Variants in ITGAV observed in about 807,000 individuals in gnomAD.
ITGAV encodes the protein integrin alpha-V.
In ITGAV, 76 loss-of-function variants were observed where a neutral mutation model predicts 143.8. That is an observed-to-expected ratio of 0.53 (90% confidence interval 0.44 to 0.64). The LOEUF is 0.64. Ranked by LOEUF, ITGAV falls within the 30% of genes least tolerant of loss-of-function variation. The pLI is 0.00. For missense variants in ITGAV, 1,193 were observed against 1,274.7 expected (o/e 0.94, Z 0.98); for synonymous variants, 453 against 446.7 (o/e 1.01, Z -0.18).
At chr2:186,666,414 C>A (rs923887891) in intron 21 of ITGAV, among the ~76,000 whole-genome samples, 3 of 152,184 alleles carry the variant, frequency 2.0e-5, no homozygotes, top group African/African-American at 7.2e-5. Context: ...GCTAGACTTT[C>A]ACTGGATCAA....
At chr2:186,629,786 A>G (rs770507164) in intron 4 of ITGAV, among the ~76,000 whole-genome samples, 1 of 152,090 alleles carries the variant, frequency 6.6e-6, no homozygotes, top group Non-Finnish European at 1.5e-5. Context: ...AACATTGGCC[A>G]CAGTGAGTCT....
Position 186,625,582 on chromosome 2 carries a change from G to A in ITGAV, c.518G>A (p.Arg173Lys), listed in dbSNP as rs370978233. ...AAGACTGTTGAGTATGCTCCATGTA[G>A]ATCACGTATGTATAGGATATTGTAC... Reference protein sequence around the residue: ...GTKTVEYAPCRSQDIDADGQG... With the variant: ...GTKTVEYAPCKSQDIDADGQG... The change falls in exon 4 of 30, where the codon AGA becomes AAA. Residue 173 changes from arginine (R) to lysine (K), a missense_variant. Coordinates refer to ENST00000261023, the MANE Select transcript of ITGAV (RefSeq NM_002210.5). 1.9e-6 allele frequency: 3 copies of A among 1,605,940 alleles called. No individual in the cohort carries two copies. Among genetic ancestry groups the A allele is most frequent in the Non-Finnish European group, 1.7e-6 (2 of 1,173,342 alleles).
chr2:186,647,322 A>T (rs1313687046), intron 13 of ITGAV, among the ~76,000 whole-genome samples: 2 of 149,834 alleles, frequency 1.3e-5, no homozygotes, highest in Non-Finnish European at 3.0e-5. Flanking sequence ...TGCAGCCTCC[A>T]CCTCCTGGGC....
intron 2 of ITGAV, among the ~76,000 whole-genome samples, chr2:186,605,168 T>C (rs1314786082): frequency 1.3e-5 from 2 of 152,096 alleles, no homozygotes; most frequent in African/African-American, 2.4e-5. Flanking sequence ...GAATACTAGG[T>C]GTAGAGAGCC....
At chr2:186,596,544 G>T (rs917906664) in intron 1 of ITGAV, among the ~76,000 whole-genome samples, 1 of 151,606 alleles carries the variant, frequency 6.6e-6, no homozygotes. Context: ...TCGCCTCCTG[G>T]ATTCAAGCAA....
At position 186,627,199 on chromosome 2, in the gene ITGAV, C is replaced by T. The variant is rs3754586; in HGVS notation, c.523+1612C>T. Among the ~76,000 whole-genome samples the T allele has an allele frequency of 3.2e-3, 484 of 152,272 alleles. 16 individuals carry two copies. In the East Asian group the frequency reaches 0.072, roughly 23 times the overall value. ...GTAAGCAAAAGGAGCAAGCCACCCA[C>T]TCTGGAGCATCAAGTACGTGTAGAG... On this transcript the variant is annotated intron_variant, in intron 4 of 29. Coordinates refer to ENST00000261023, the MANE Select transcript of ITGAV (RefSeq NM_002210.5).
At chr2:186,673,179 C>A (rs1322736468) in intron 26 of ITGAV, among the ~76,000 whole-genome samples, 18 of 152,186 alleles carry the variant, frequency 1.2e-4, no homozygotes. Flanking sequence ...AGAAATTATT[C>A]TTTCCCCTTA....
intron 4 of ITGAV, among the ~76,000 whole-genome samples, chr2:186,627,026 A>G (rs1687693709): frequency 1.3e-5 from 2 of 152,224 alleles, no homozygotes; most frequent in Admixed American, 6.5e-5. Flanking sequence ...TATTAATTAT[A>G]TGATGTACAC....
Position 186,625,466 on chromosome 2 carries a change from A to C in ITGAV, c.409-7A>C. On this transcript the variant is annotated splice_region_variant and splice_polypyrimidine_tract_variant and intron_variant, in intron 3 of 29. Coordinates refer to ENST00000261023, the MANE Select transcript of ITGAV (RefSeq NM_002210.5). ...CTTCGTGTCGTGGACTAAACCTTTG[A>C]TTTTAGGCCTGTGCCCCATTGTACC... The C allele has an allele frequency of 6.3e-7, 1 of 1,599,346 alleles. No homozygotes were observed. The highest frequency in any genetic ancestry group is 1.7e-5 in the Admixed American group (1 of 59,830).
chr2:186,630,253 G>A (rs774030019), intron 4 of ITGAV, among the ~76,000 whole-genome samples: 11 of 151,696 alleles, frequency 7.3e-5, no homozygotes, highest in Admixed American at 5.3e-4. Context: ...GCAATCTTAG[G>A]GTAATAGGAA....
At chr2:186,608,398 T>C (rs1414079559) in intron 2 of ITGAV, among the ~76,000 whole-genome samples, 4 of 152,202 alleles carry the variant, frequency 2.6e-5, no homozygotes, top group Non-Finnish European at 5.9e-5. Flanking sequence ...ATAGTAACTA[T>C]ATTCCTTCCT....
chr2:186,601,641 G>A (rs1230895937), intron 1 of ITGAV, among the ~76,000 whole-genome samples: 3 of 149,734 alleles, frequency 2.0e-5, no homozygotes, highest in African/African-American at 7.3e-5. Flanking sequence ...ACACGCACAT[G>A]CACACACACA....
In ITGAV at chr2:186,630,403, A is replaced by T. The variant is rs188357909; in HGVS notation, c.524-394A>T. Among the ~76,000 whole-genome samples, 66 of 151,916 alleles carry T rather than the reference A, an allele frequency of 4.3e-4. 1 individual carries two copies. Among genetic ancestry groups the T allele is most frequent in the Middle Eastern group, 3.4e-3 (1 of 292 alleles). On this transcript the variant is annotated intron_variant, in intron 4 of 29. Transcript: ENST00000261023. ...TGAAATAAAATAGAAAATGTCAGAG[A>T]GTATTCTATATAATAATACAAATAT...
At chr2:186,671,716 A>G (rs937246949) in intron 26 of ITGAV, among the ~76,000 whole-genome samples, 33 of 152,204 alleles carry the variant, frequency 2.2e-4, no homozygotes, top group Middle Eastern at 3.4e-3. Context: ...CATTACCACT[A>G]TAATTGTAAA....
chr2:186,620,536 G>A (rs1016893910), intron 2 of ITGAV, among the ~76,000 whole-genome samples: 1 of 152,174 alleles, frequency 6.6e-6, no homozygotes, highest in Non-Finnish European at 1.5e-5. Flanking sequence ...GCTGAGGCAG[G>A]TTGATCCCTT....
At chr2:186,618,651 A>C (rs984145837) in intron 2 of ITGAV, among the ~76,000 whole-genome samples, 1 of 152,252 alleles carries the variant, frequency 6.6e-6, no homozygotes, top group Non-Finnish European at 1.5e-5. Flanking sequence ...GTAAATTTTC[A>C]AAGTGGTACG....
At chr2:186,667,567 A>G in intron 23 of ITGAV, 104 bp from the exon 24 acceptor site, 1 of 550,992 alleles carries the variant, frequency 1.8e-6, no homozygotes, top group Non-Finnish European at 3.1e-6. Context: ...TTTAAAATTA[A>G]ATCTAATTTT....
At chr2:186,677,064 CTTA>C in intron 29 of ITGAV, 129 bp downstream of exon 29, 1 of 1,216,504 alleles carries the variant, frequency 8.2e-7, no homozygotes, top group African/African-American at 1.5e-5. Flanking sequence ...ATGAGCATTA[CTTA>C]TTATATGAGG....
chr2:186,658,708 G>A (rs1354647050), intron 17 of ITGAV, among the ~76,000 whole-genome samples: 1 of 152,062 alleles, frequency 6.6e-6, no homozygotes, highest in Admixed American at 6.5e-5. Flanking sequence ...GGGAGGAAGA[G>A]AAAGAAGTAT....
Sources: allele counts gnomAD v4.1 joint callset (sites outside exome capture counted in the v4.1 genomes callset), GRCh38; gene constraint gnomAD v4.1.1; transcripts MANE v1.5; gene names NCBI Gene and HGNC (gene_info 2026-07-23, HGNC 2026-07-21).